Variants in SLC26A9 observed in about 807,000 individuals in gnomAD.
SLC26A9 encodes solute carrier family 26 member 9.
SLC26A9 carries 46 observed loss-of-function variants against 87.1 expected under a neutral mutation model. The ratio of observed to expected loss-of-function variants is 0.53; its 90% confidence interval spans 0.42 to 0.67. The LOEUF is 0.67. SLC26A9 is among the 30% of genes least tolerant of loss of function. SLC26A9 has a pLI of 0.00. For synonymous variants in SLC26A9, 437 were observed against 409.1 expected (o/e 1.07, Z -0.82); for missense variants, 927 against 1,018.3 (o/e 0.91, Z 1.22).
chr1:205,925,998 T>G (rs753626709), intron 12 of SLC26A9, among the ~76,000 whole-genome samples: 12 of 152,220 alleles, frequency 7.9e-5, no homozygotes, highest in Non-Finnish European at 1.6e-4. Flanking sequence ...AACCAGCGTT[T>G]GACGCAACCA....
chr1:205,939,898 C>CTT (rs1558131373), intron 1 of SLC26A9, among the ~76,000 whole-genome samples: 4 of 152,186 alleles, frequency 2.6e-5, no homozygotes, highest in African/African-American at 9.7e-5. Flanking sequence ...TTGCCAGAGG[C>CTT]GTGTATCTAC....
intron 1 of SLC26A9, among the ~76,000 whole-genome samples, chr1:205,939,073 G>T (rs1351956076): frequency 1.3e-5 from 2 of 152,188 alleles, no homozygotes; most frequent in African/African-American, 4.8e-5. Context: ...CCCATCCCAG[G>T]AATAGGATGC....
chr1:205,914,865 A>G lies in SLC26A9; in HGVS notation c.*492T>C, dbSNP rs1375847480. On this transcript the variant is annotated 3_prime_UTR_variant, in exon 21 of 21. Coordinates refer to ENST00000367135, the MANE Select transcript of SLC26A9 (RefSeq NM_052934.4). ...CAGAGTTGAGGCAGCTGGGGAAGGCAAGCCAGAGTCCTAACCAAGTTTATC... is the reference window on the plus strand; with the variant it reads ...CAGAGTTGAGGCAGCTGGGGAAGGCGAGCCAGAGTCCTAACCAAGTTTATC... 1 of 1,582,734 alleles carries G rather than the reference A, an allele frequency of 6.3e-7. No homozygotes were observed. Among genetic ancestry groups the G allele is most frequent in the Admixed American group, 1.7e-5 (1 of 58,470 alleles).
At chr1:205,915,541 T>C (rs1658557217) in intron 20 of SLC26A9, 137 bp from the exon 21 acceptor site, 4 of 1,166,052 alleles carry the variant, frequency 3.4e-6, no homozygotes, top group Admixed American at 2.0e-5. Flanking sequence ...TGTGTGTGTG[T>C]GTGTGTGCGA....
At chr1:205,926,913 G>A (rs75160559) in intron 11 of SLC26A9, among the ~76,000 whole-genome samples, 3,586 of 152,278 alleles carry the variant, frequency 0.024, 153 homozygotes, top group African/African-American at 0.082. Flanking sequence ...CCTGGTACTC[G>A]TGGGTAGGTG....
chr1:205,923,579 T>G lies in SLC26A9; in HGVS notation c.1531A>C (p.Thr511Pro). 1.2e-6 allele frequency: 2 copies of G among 1,614,224 alleles called. No homozygotes were observed. The highest frequency in any genetic ancestry group is 1.7e-6 in the Non-Finnish European group (2 of 1,180,032). ...NGYALAQVMDTDIYVNPKTYN... is the reference protein window; with the variant it reads ...NGYALAQVMDPDIYVNPKTYN... ...GTCTTGGGATTCACATAAATGTCAG[T>G]GTCCATGACCTGGGCCAGTGCATAG... Residue 511 changes from threonine (T) to proline (P), a missense_variant, in exon 14 of 21, where the codon ACT becomes CCT. Thr to Pro is a conservative substitution (Grantham distance 38). Transcript: ENST00000367135.
At position 205,918,792 on chromosome 1, in the gene SLC26A9, T is replaced by C. The variant is rs758937237; in HGVS notation, c.2256+48A>G. The stretch of plus-strand genomic sequence containing the variant: ...TTCTAATAATGCCTCTTGGTCCTGC[T>C]ATTTCAGTGCCTTGGAGCCTAGGAT... On this transcript the variant is annotated intron_variant, in intron 19 of 20. Coordinates refer to ENST00000367135, the MANE Select transcript of SLC26A9 (RefSeq NM_052934.4). 4 of 1,585,210 alleles carry C rather than the reference T, an allele frequency of 2.5e-6. No individual in the cohort carries two copies. The South Asian group carries it at 3.4e-5, about 13-fold the overall frequency.
rs750377081 is a variant in SLC26A9 at position 205,933,062 on chromosome 1, C to T, written c.148G>A (p.Ala50Thr). The change falls in exon 3 of 21, where the codon GCT becomes ACT. Residue 50 changes from alanine (A) to threonine (T), a missense_variant. Transcript: ENST00000367135. ...ACAGGCAGCAGCCCAAACACCACAG[C>T]TTTGATCTTGGCTGAGGAACATCTG... is the stretch of plus-strand genomic sequence containing the variant. ...AFRCSSAKIK[A>T]VVFGLLPVLS... 2 of 1,614,092 alleles carry T rather than the reference C, an allele frequency of 1.2e-6. No individual in the cohort carries two copies. The highest frequency in any genetic ancestry group is 1.7e-6 in the Non-Finnish European group (2 of 1,180,040).
In SLC26A9 at chr1:205,913,560, CCTT is replaced by C. The variant is rs1401352982; in HGVS notation, c.*1794_*1796del. 6.6e-6 allele frequency: 1 copy of C among 152,640 alleles called. No individual in the cohort carries two copies. The highest frequency in any genetic ancestry group is 1.5e-5 in the Non-Finnish European group (1 of 68,064). 9.5% of individuals were successfully genotyped at this position (152,640 alleles called of 1,614,324 possible). ...CTTGGAAATTCCTGAGGCTCTGTGA[CCTT>C]CTCCCACCTCCTGGGCCTGAGCTGG... On this transcript the variant is annotated 3_prime_UTR_variant, in exon 21 of 21. Coordinates refer to ENST00000367135, the MANE Select transcript of SLC26A9 (RefSeq NM_052934.4).
intron 1 of SLC26A9, among the ~76,000 whole-genome samples, chr1:205,940,937 A>G (rs1414859714): frequency 6.6e-6 from 1 of 152,204 alleles, no homozygotes; most frequent in African/African-American, 2.4e-5. Context: ...TGTTCTGGGA[A>G]GAGGAAAGGT....
At chr1:205,939,511 C>T (rs1050888693) in intron 1 of SLC26A9, among the ~76,000 whole-genome samples, 1 of 152,138 alleles carries the variant, frequency 6.6e-6, no homozygotes, top group East Asian at 1.9e-4. Context: ...GCTGAGAAGG[C>T]GCCCTCAACA....
intron 7 of SLC26A9, 135 bp from the exon 8 acceptor site, chr1:205,929,044 T>C (rs1019988295): frequency 1.4e-6 from 2 of 1,446,458 alleles, no homozygotes; most frequent in Non-Finnish European, 1.9e-6. Context: ...ATTAGAGCAG[T>C]AGAAAGAGAG....
In SLC26A9 at chr1:205,921,718, C is replaced by A. The variant is rs769168793; in HGVS notation, c.1903G>T (p.Ala635Ser). The part of the protein sequence containing the change: ...ITFSPDSSSP[A>S]QSEPPASAEA... ...GCGGAGGCTGGTGGCTCACTCTGGGCAGGTGAGGAGCTGTCAGGGCTGAAG... is the reference window on the plus strand; with the variant it reads ...GCGGAGGCTGGTGGCTCACTCTGGGAAGGTGAGGAGCTGTCAGGGCTGAAG... Residue 635 changes from alanine to serine, a missense_variant, in exon 17 of 21, where the codon GCC becomes TCC. Transcript: ENST00000367135. 1.9e-6 allele frequency: 3 copies of A among 1,591,222 alleles called. No individual in the cohort carries two copies. The highest frequency in any genetic ancestry group is 2.6e-6 in the Non-Finnish European group (3 of 1,168,986).
intron 12 of SLC26A9, among the ~76,000 whole-genome samples, chr1:205,925,565 A>C (rs1322052842): frequency 6.6e-6 from 1 of 152,092 alleles, no homozygotes; most frequent in East Asian, 1.9e-4. Flanking sequence ...TGTCCTCATC[A>C]CTGTCTCTCT....
chr1:205,926,459 A>G (rs1402646682), intron 12 of SLC26A9, 76 bp downstream of exon 12: 3 of 1,210,550 alleles, frequency 2.5e-6, no homozygotes, highest in Non-Finnish European at 1.2e-6. Context: ...CATTGTTAGG[A>G]CAGGGCTGAC....
At position 205,932,894 on chromosome 1, in the gene SLC26A9, G is replaced by T. The variant is rs575863347; in HGVS notation, c.265+51C>A. On this transcript the variant is annotated intron_variant, in intron 3 of 20. Coordinates refer to ENST00000367135, the MANE Select transcript of SLC26A9 (RefSeq NM_052934.4). ...GAGGGATGGAGTGGGGATGAGGAGAGGAATGGTGAGGGGAGTGGCAATCCA... is the reference window on the plus strand; with the variant it reads ...GAGGGATGGAGTGGGGATGAGGAGATGAATGGTGAGGGGAGTGGCAATCCA... The T allele has an allele frequency of 2.5e-6, 4 of 1,610,344 alleles. No individual in the cohort carries two copies. The African/African-American group carries it at 5.3e-5, about 21-fold the overall frequency.
At position 205,935,782 on chromosome 1, in the gene SLC26A9, G is replaced by A. The variant is rs761192020; in HGVS notation, c.39C>T (p.Ala13=). The A allele has an allele frequency of 1.3e-5, 21 of 1,613,796 alleles. No individual in the cohort carries two copies. The highest frequency in any genetic ancestry group is 8.3e-5 in the Admixed American group (5 of 59,990). ...QPRPRYVVDR[A]AYSLTLFDDE... ...CGTCGAAGAGGGTAAGGGAGTATGCGGCTCTGTCTACCACGTAGCGGGGCC... is the reference window on the plus strand; with the variant it reads ...CGTCGAAGAGGGTAAGGGAGTATGCAGCTCTGTCTACCACGTAGCGGGGCC... Residue 13 remains alanine, a synonymous_variant, in exon 2 of 21, where the codon GCC becomes GCT. Coordinates refer to ENST00000367135, the MANE Select transcript of SLC26A9 (RefSeq NM_052934.4).
chr1:205,921,422 A>G, intron 17 of SLC26A9, 144 bp downstream of exon 17: 1 of 1,093,446 alleles, frequency 9.1e-7, no homozygotes, highest in South Asian at 1.6e-5. Context: ...CGTCTGGGGA[A>G]AGGAGGGATT....
At chr1:205,917,176 C>G in intron 20 of SLC26A9, 107 bp downstream of exon 20, 1 of 1,035,712 alleles carries the variant, frequency 9.7e-7, no homozygotes, top group Non-Finnish European at 1.5e-6. Flanking sequence ...TGTGACTGCT[C>G]TGGGCTGGAG....
Sources: allele counts gnomAD v4.1 joint callset (sites outside exome capture counted in the v4.1 genomes callset), GRCh38; gene constraint gnomAD v4.1.1; transcripts MANE v1.5; gene names NCBI Gene and HGNC (gene_info 2026-07-23, HGNC 2026-07-21).